Variants in POLL observed in about 807,000 individuals in gnomAD.
POLL encodes DNA polymerase beta-2.
In POLL, 44 loss-of-function variants were observed where a neutral mutation model predicts 58.1. The observed-to-expected ratio is 0.76, with a 90% CI of 0.60 to 0.97. The LOEUF (loss-of-function observed/expected upper bound fraction) is 0.97. POLL is among the 50% of genes least tolerant of loss of function. The pLI, the probability that POLL is intolerant of heterozygous loss-of-function variation, is 0.00. For synonymous variants in POLL, 290 were observed against 283.2 expected (o/e 1.02, Z -0.24); for missense variants, 632 against 736.8 (o/e 0.86, Z 1.65).
rs917614595 is a variant in POLL, at chr10:101,578,941, C to T, written c.*512G>A. On this transcript the variant is annotated 3_prime_UTR_variant, in exon 9 of 9. Transcript: ENST00000370162. ...CCTCCCAACACTGTCCTCACCAAGGCTGGGGCACCCCATTCCCAGCACCAC... is the reference window on the plus strand; with the variant it reads ...CCTCCCAACACTGTCCTCACCAAGGTTGGGGCACCCCATTCCCAGCACCAC... 1 of 172,102 alleles carries T rather than the reference C, an allele frequency of 5.8e-6. No individual in the cohort carries two copies. Among genetic ancestry groups the T allele is most frequent in the African/African-American group, 2.4e-5 (1 of 41,932 alleles). The allele number at this position is 172,102 out of a possible 1,614,324, so 10.7% of individuals were successfully genotyped here. A position where few individuals can be genotyped will look rare whatever the true frequency, so the allele number is the denominator to read the frequency against.
At chr10:101,583,444 C>T (rs2063114889) in intron 6 of POLL, 64 bp downstream of exon 6, 2 of 1,554,480 alleles carry the variant, frequency 1.3e-6, no homozygotes, top group Non-Finnish European at 1.8e-6. Flanking sequence ...GAGCACAGCA[C>T]ACATCTGGGG....
At position 101,580,423 on chromosome 10, in the gene POLL, AAG is replaced by A. The variant is rs1164643858; in HGVS notation, c.1195-9_1195-8del. 5.0e-6 allele frequency: 8 copies of A among 1,612,788 alleles called. No homozygotes were observed. The South Asian group carries it at 5.5e-5, about 11-fold the overall frequency. Reference sequence around the variant, plus strand: ...CCTGGGCTGCTTTCTGGACCTGGGAAAGAGAGCGGTGACAGGTGAGGGGCTGT... The same window carrying A: ...CCTGGGCTGCTTTCTGGACCTGGGAAAGAGCGGTGACAGGTGAGGGGCTGT... On this transcript the variant is annotated splice_polypyrimidine_tract_variant and splice_region_variant and intron_variant, in intron 7 of 8. Coordinates refer to ENST00000370162, the MANE Select transcript of POLL (RefSeq NM_001174084.2). The surrounding 1 kb of genome is among the most constrained non-coding windows in gnomAD (Gnocchi z 4.1).
intron 5 of POLL, among the ~76,000 whole-genome samples, chr10:101,584,386 CA>C (rs938909226): frequency 6.6e-6 from 1 of 152,072 alleles, no homozygotes; most frequent in African/African-American, 2.4e-5. Flanking sequence ...TTAAAAAATT[CA>C]AAAGTAGAGA....
chr10:101,586,155 C>T lies in POLL; in HGVS notation c.117G>A (p.Glu39=), dbSNP rs755545668. The T allele has an allele frequency of 1.2e-6, 2 of 1,608,924 alleles. No individual in the cohort carries two copies. Among genetic ancestry groups the T allele is most frequent in the Non-Finnish European group, 1.7e-6 (2 of 1,176,856 alleles). The change falls in exon 3 of 9, where the codon GAG becomes GAA. Residue 39 remains glutamate, a splice_region_variant and synonymous_variant. Transcript: ENST00000370162. ...PRREEGEEAE[E]WLSSLRAHVV... ...CATGGGCCCGAAGGGAGCTCAGCCACTCTGTGGAAGGAACATCCAGATGAC... is the reference window on the plus strand; with the variant it reads ...CATGGGCCCGAAGGGAGCTCAGCCATTCTGTGGAAGGAACATCCAGATGAC...
In POLL at chr10:101,585,355, A is replaced by G; in HGVS notation, c.534T>C (p.Pro178=). 6.3e-7 allele frequency: 1 copy of G among 1,594,694 alleles called. No homozygotes were observed. Residue 178 remains proline (P), a synonymous_variant, in exon 4 of 9, where the codon CCT becomes CCC. Transcript: ENST00000370162. The part of the protein sequence containing the change: ...PPPPPTRPVS[P]PQKAKEAPNT... ...TTGGTGCCTCTTTTGCCTTTTGGGG[A>G]GGAGACACAGGCCTGGTGGGAGGAG...
Position 101,580,192 on chromosome 10 carries a change from C to G in POLL, c.1363+56G>C. 2 of 1,488,974 alleles carry G rather than the reference C, an allele frequency of 1.3e-6. No homozygotes were observed. Among genetic ancestry groups the G allele is most frequent in the Non-Finnish European group, 1.8e-6 (2 of 1,096,606 alleles). The allele number at this position is 1,488,974 out of a possible 1,614,324, so 92.2% of individuals were successfully genotyped here. ...TTCTGAGGTTCTCCCTCTGAGGGGG[C>G]CCCCAGACCTGTGCTGCCCTCTGTC... On this transcript the variant is annotated intron_variant, in intron 8 of 8. Coordinates refer to ENST00000370162, the MANE Select transcript of POLL (RefSeq NM_001174084.2). The surrounding 1 kb of genome is among the most constrained non-coding windows in gnomAD (Gnocchi z 4.1).
At chr10:101,582,964 C>G in intron 6 of POLL, 73 bp from the exon 7 acceptor site, 2 of 1,584,568 alleles carry the variant, frequency 1.3e-6, no homozygotes, top group African/African-American at 2.7e-5. Context: ...AGCACACACA[C>G]AAGGCTTCCA....
chr10:101,588,019 G>A lies in POLL; in HGVS notation c.-244C>T. ...GCAGCTGCGGGTGAAGTCCCGGGCA[G>A]GTGCGGTGTACTCGCCGTGTACGCA... is the stretch of plus-strand genomic sequence containing the variant. On this transcript the variant is annotated 5_prime_UTR_variant, in exon 1 of 9. Coordinates refer to ENST00000370162, the MANE Select transcript of POLL (RefSeq NM_001174084.2). 7.3e-7 allele frequency: 1 copy of A among 1,370,670 alleles called. No homozygotes were observed. The highest frequency in any genetic ancestry group is 1.2e-5 in the South Asian group (1 of 81,346). 84.9% of individuals were successfully genotyped at this position (1,370,670 alleles called of 1,614,324 possible). A position where few individuals can be genotyped will look rare whatever the true frequency, so the allele number is the denominator to read the frequency against.
intron 1 of POLL, 116 bp downstream of exon 1, chr10:101,587,706 C>CGAA: frequency 9.3e-7 from 1 of 1,075,374 alleles, no homozygotes; most frequent in African/African-American, 1.6e-5. Flanking sequence ...AGCCCTGCTG[C>CGAA]GGCCCACTTC....
In POLL at chr10:101,583,582, TCTCA is replaced by T. The variant is rs751696073; in HGVS notation, c.987_990del (p.Ser329ArgfsTer40). The T allele has an allele frequency of 3.7e-6, 6 of 1,614,090 alleles. No individual in the cohort carries two copies. In the South Asian group the frequency reaches 6.6e-5, roughly 18 times the overall value. Reference sequence around the variant, plus strand: ...GAGAAGAGCTCCAAGACAGGCACGCTCTCACTGATATGGTCCAGCTTCCGCAAAT... The same window carrying T: ...GAGAAGAGCTCCAAGACAGGCACGCTCTGATATGGTCCAGCTTCCGCAAAT... On this transcript the variant is annotated frameshift_variant, in exon 6 of 9. Coordinates refer to ENST00000370162, the MANE Select transcript of POLL (RefSeq NM_001174084.2). LOFTEE classifies it high-confidence loss of function.
Position 101,586,021 on chromosome 10 carries a change from A to G in POLL, c.251T>C (p.Val84Ala). 6.2e-7 allele frequency: 1 copy of G among 1,614,058 alleles called. No individual in the cohort carries two copies. The highest frequency in any genetic ancestry group is 8.5e-7 in the Non-Finnish European group (1 of 1,180,010). Reference sequence around the variant, plus strand: ...CTCATAGTCCATGCCTTCATCCACCACAATGTGAGTGACACCTGGGCCCTG... The same window carrying G: ...CTCATAGTCCATGCCTTCATCCACCGCAATGTGAGTGACACCTGGGCCCTG... The part of the protein sequence containing the change: ...PAQGPGVTHI[V>A]VDEGMDYERA... The change falls in exon 3 of 9, where the codon GTG becomes GCG. Residue 84 changes from valine to alanine, a missense_variant. Val to Ala is a moderately conservative substitution (Grantham distance 64). Transcript: ENST00000370162.
In POLL at chr10:101,585,414, C is replaced by T. The variant is rs2063266178; in HGVS notation, c.475G>A (p.Glu159Lys). The T allele has an allele frequency of 1.2e-6, 2 of 1,607,630 alleles. No individual in the cohort carries two copies. The highest frequency in any genetic ancestry group is 1.7e-6 in the Non-Finnish European group (2 of 1,176,956). The change falls in exon 4 of 9, where the codon GAG (glutamate) becomes AAG (lysine). Residue 159 changes from glutamate (E) to lysine (K), a missense_variant. Glu to Lys is a moderately conservative substitution (Grantham distance 56). Transcript: ENST00000370162. ...GAAAGGGCTGTCTGAAGCAGGGCCT[C>T]ATGGGTGCCAGGAGGAATAGAAGCA... is the stretch of plus-strand genomic sequence containing the variant. ...QDASIPPGTH[E>K]ALLQTALSPP...
chr10:101,583,527 G>A lies in POLL; in HGVS notation c.1046C>T (p.Ala349Val), dbSNP rs758762395. The change falls in exon 6 of 9, where the codon GCC becomes GTC. Residue 349 changes from alanine to valine, a missense_variant. Coordinates refer to ENST00000370162, the MANE Select transcript of POLL (RefSeq NM_001174084.2). ...SNIWGAGTKT[A>V]QMWYQQGFRS... ...TGTGACCTGTTGGTACCACATCTGG[G>A]CAGTCTTGGTCCCAGCTCCCCAGAT... The A allele has an allele frequency of 4.2e-5, 68 of 1,613,118 alleles. No homozygotes were observed. The highest frequency in any genetic ancestry group is 1.3e-4 in the East Asian group (6 of 44,876).
chr10:101,582,640 T>C (rs2063063988), intron 7 of POLL, 123 bp downstream of exon 7: 1 of 1,002,242 alleles, frequency 1.0e-6, no homozygotes, highest in Non-Finnish European at 1.5e-6. Context: ...GCTCAACCTC[T>C]GGTGATCCAC....
chr10:101,581,415 T>C (rs2062981705), intron 7 of POLL: 1 of 152,212 alleles, frequency 6.6e-6, no homozygotes. Flanking sequence ...GTGTCATCAC[T>C]AGCACCAAGG....
At chr10:101,583,040 C>CA in intron 6 of POLL, 149 bp from the exon 7 acceptor site, 1 of 829,926 alleles carries the variant, frequency 1.2e-6, no homozygotes. Flanking sequence ...CTGTACTCAG[C>CA]AGGACTTGGG....
chr10:101,588,076 G>A lies in POLL; in HGVS notation c.-301C>T. ...GCAGGCCAGGGAATCCCAGCTCGGG[G>A]CTAGAAGAAAGCTGGAGTGCCCGAC... is the stretch of plus-strand genomic sequence containing the variant. On this transcript the variant is annotated 5_prime_UTR_variant, in exon 1 of 9. Coordinates refer to ENST00000370162, the MANE Select transcript of POLL (RefSeq NM_001174084.2). 5 of 1,475,484 alleles carry A rather than the reference G, an allele frequency of 3.4e-6. No individual in the cohort carries two copies. Among genetic ancestry groups the A allele is most frequent in the Non-Finnish European group, 4.5e-6 (5 of 1,108,822 alleles). The allele number at this position is 1,475,484 out of a possible 1,614,324, so 91.4% of individuals were successfully genotyped here. A position where few individuals can be genotyped will look rare whatever the true frequency, so the allele number is the denominator to read the frequency against.
At chr10:101,584,474 A>G (rs905008776) in intron 5 of POLL, 128 bp downstream of exon 5, 8 of 527,142 alleles carry the variant, frequency 1.5e-5, no homozygotes, top group Non-Finnish European at 2.4e-5. Context: ...GCTTTCATCA[A>G]TTTTCCTTTT....
At chr10:101,584,430 C>T (rs2063181802) in intron 5 of POLL, among the ~76,000 whole-genome samples, 172 bp downstream of exon 5, 1 of 152,158 alleles carries the variant, frequency 6.6e-6, no homozygotes, top group Non-Finnish European at 1.5e-5. Flanking sequence ...CGTACATCTC[C>T]CAGCTTCAAC....
Sources: gnomAD v4.1 joint callset for allele counts (sites outside exome capture counted in the v4.1 genomes callset) on GRCh38, gnomAD v4.1.1 for gene constraint, Gnocchi (gnomAD v3.1) non-coding constraint, MANE v1.5 for transcripts, NCBI Gene and HGNC (gene_info 2026-07-23, HGNC 2026-07-21) for gene names.